The following PLS3 variants were observed in gnomAD, a reference collection of about 807,000 sequenced individuals.
The protein encoded by PLS3 is plastin 3.
In PLS3, 11 loss-of-function variants were observed where a neutral mutation model predicts 46.5. That is an observed-to-expected ratio of 0.24 (90% CI 0.15 to 0.39). The LOEUF (loss-of-function observed/expected upper bound fraction) is 0.39. Ranked by LOEUF, PLS3 falls within the 10% of genes least tolerant of loss-of-function variation. PLS3 has a pLI of 1.00. For synonymous variants in PLS3, 167 were observed against 162.2 expected (o/e 1.03, Z -0.22); for missense variants, 308 against 461.8 (o/e 0.67, Z 3.05).
intron 14 of PLS3, 101 bp downstream of exon 14, chrX:115,647,774 G>C (rs782554235): frequency 6.4e-4 from 712 of 1,113,423 alleles, no homozygotes; most frequent in Non-Finnish European, 7.6e-4. Flanking sequence ...AATTAGTGTT[G>C]GGCTAATGGC....
intron 1 of PLS3, among the ~76,000 whole-genome samples, chrX:115,589,355 A>C (rs1404581820): frequency 8.9e-6 from 1 of 111,949 alleles, no homozygotes; most frequent in Admixed American, 9.5e-5. Context: ...GATTATTAAA[A>C]TTGACACATC....
chrX:115,561,213 G>T lies in PLS3; in HGVS notation c.-56G>T, dbSNP rs1197953898. 1.8e-5 allele frequency: 2 copies of T among 112,386 alleles called. No homozygotes were observed. The highest frequency in any genetic ancestry group is 6.5e-5 in the African/African-American group (2 of 30,882). The allele number at this position is 112,386 out of a possible 1,213,427, so 9.3% of individuals were successfully genotyped here. On this transcript the variant is annotated 5_prime_UTR_variant, in exon 1 of 16. Transcript: ENST00000355899. The stretch of plus-strand genomic sequence containing the variant: ...TCCGAGGTGCAGAAGTTGTCTGAGT[G>T]GGTTGGTCGGCGGCAGTCGGGCCAG...
chrX:115,599,882 G>A (rs2074426413), intron 1 of PLS3, among the ~76,000 whole-genome samples: 1 of 110,229 alleles, frequency 9.1e-6, no homozygotes, highest in African/African-American at 3.3e-5. Flanking sequence ...TGCCCGCCTC[G>A]GCCTCGCAAA....
intron 1 of PLS3, among the ~76,000 whole-genome samples, chrX:115,565,105 G>A (rs185202519): frequency 7.2e-5 from 8 of 111,849 alleles, no homozygotes; most frequent in Admixed American, 6.7e-4. Flanking sequence ...GTCATGACTA[G>A]CTGATTTTAG....
At chrX:115,614,616 C>A (rs781833215) in intron 2 of PLS3, 13 of 618,576 alleles carry the variant, frequency 2.1e-5, no homozygotes, top group Non-Finnish European at 2.5e-5. Context: ...GGATTTAATG[C>A]CTAATGAAAG....
chrX:115,618,333 T>A (rs2074616492), intron 2 of PLS3, among the ~76,000 whole-genome samples: 1 of 112,097 alleles, frequency 8.9e-6, no homozygotes, highest in Non-Finnish European at 1.9e-5. Flanking sequence ...ATCCCAACAC[T>A]TTGGGAGGCC....
At chrX:115,631,748 A>G (rs782749344) in intron 5 of PLS3, among the ~76,000 whole-genome samples, 1 of 110,795 alleles carries the variant, frequency 9.0e-6, no homozygotes, top group African/African-American at 3.3e-5. Context: ...ATATATATAT[A>G]TACATTTCCT....
intron 2 of PLS3, chrX:115,610,813 C>T: frequency 1.9e-6 from 2 of 1,026,379 alleles, no homozygotes; most frequent in East Asian, 3.6e-5. Context: ...ATCGTTCTAC[C>T]TCGCCACGTT....
intron 8 of PLS3, 156 bp from the exon 9 acceptor site, chrX:115,640,252 G>A (rs2074881419): frequency 4.7e-6 from 3 of 634,309 alleles, no homozygotes; most frequent in Non-Finnish European, 7.4e-6. Flanking sequence ...CAGATAGATG[G>A]ACTTTTCTGG....
At chrX:115,642,276 T>C (rs2147574531) in intron 9 of PLS3, among the ~76,000 whole-genome samples, 1 of 110,898 alleles carries the variant, frequency 9.0e-6, no homozygotes, top group South Asian at 3.8e-4. Flanking sequence ...CTTCCTTTCG[T>C]CCTAACTTTT....
chrX:115,579,562 C>G (rs1569526348), intron 1 of PLS3, among the ~76,000 whole-genome samples: 1 of 111,764 alleles, frequency 8.9e-6, no homozygotes, highest in Non-Finnish European at 1.9e-5. Context: ...TCCTTGCCAG[C>G]CTTTGGTGGT....
intron 2 of PLS3, among the ~76,000 whole-genome samples, chrX:115,617,958 A>G (rs944355388): frequency 9.0e-6 from 1 of 110,980 alleles, no homozygotes; most frequent in Admixed American, 9.6e-5. Context: ...ACAGTGTCTC[A>G]CTCTGGTGCC....
chrX:115,636,687 T>C, intron 7 of PLS3, 149 bp from the exon 8 acceptor site: 1 of 411,991 alleles, frequency 2.4e-6, no homozygotes, highest in Non-Finnish European at 4.2e-6. Context: ...TTATCTTTTT[T>C]AGTAGATTAT....
chrX:115,586,471 C>G (rs1217096808), intron 1 of PLS3, among the ~76,000 whole-genome samples: 1 of 99,442 alleles, frequency 1.0e-5, no homozygotes, highest in African/African-American at 3.7e-5. Flanking sequence ...GAGTTCGAGA[C>G]TAGCCTGGCC....
rs781961769 is a variant in PLS3 at position 115,586,514 on chromosome X, C to CAA, written c.-8-23714_-8-23713dup. On this transcript the variant is annotated intron_variant, in intron 1 of 15. Transcript: ENST00000355899. Reference sequence around the variant, plus strand: ...TGAAACCCGGTCTCTACTAAAAATACAAAAAAAAAAAAAAAATAGCCATGT... The same window carrying CAA: ...TGAAACCCGGTCTCTACTAAAAATACAAAAAAAAAAAAAAAAAATAGCCATGT... 9.3e-4 allele frequency among the ~76,000 whole-genome samples: 58 copies of CAA among 62,354 alleles called. 1 individual carries two copies. Among genetic ancestry groups the CAA allele is most frequent in the African/African-American group, 2.9e-3 (54 of 18,577 alleles). 54.1% of individuals were successfully genotyped at this position (62,354 alleles called of 115,157 possible). A position where few individuals can be genotyped will look rare whatever the true frequency, so the allele number is the denominator to read the frequency against.
chrX:115,600,571 G>A (rs1360299625), intron 1 of PLS3, among the ~76,000 whole-genome samples: 1 of 112,326 alleles, frequency 8.9e-6, no homozygotes, highest in Admixed American at 9.5e-5. Flanking sequence ...TTTGTGTGCT[G>A]TTCGTGAAAG....
chrX:115,587,758 C>T (rs1305940385), intron 1 of PLS3, among the ~76,000 whole-genome samples: 1 of 110,519 alleles, frequency 9.0e-6, no homozygotes, highest in Non-Finnish European at 1.9e-5. Flanking sequence ...AAAAGACAAC[C>T]AGTTTTACTT....
At chrX:115,611,042 G>A (rs1556636038) in intron 2 of PLS3, 2 of 402,213 alleles carry the variant, frequency 5.0e-6, no homozygotes, top group Non-Finnish European at 8.7e-6. Flanking sequence ...TGTGCTTAGA[G>A]AGGTAGATTA....
intron 1 of PLS3, among the ~76,000 whole-genome samples, chrX:115,581,661 T>A (rs1556631862): frequency 8.9e-6 from 1 of 112,171 alleles, no homozygotes. Context: ...GTCTGCTTAC[T>A]GATTCAGGGT....
Sources: gnomAD v4.1 joint callset for allele counts (sites outside exome capture counted in the v4.1 genomes callset) on GRCh38, gnomAD v4.1.1 for gene constraint, MANE v1.5 for transcripts, NCBI Gene and HGNC (gene_info 2026-07-23, HGNC 2026-07-21) for gene names.